Variants in ZFHX3 observed in about 807,000 individuals in gnomAD.
ZFHX3 encodes zinc finger homeobox 3.
ZFHX3 carries 42 observed loss-of-function variants against 279.1 expected under a neutral mutation model. That is an observed-to-expected ratio of 0.15 (90% CI 0.12 to 0.19). The LOEUF is 0.19. Among genes scored for constraint, ZFHX3 ranks in the 10% least tolerant of loss-of-function variants. The pLI, the probability that ZFHX3 is intolerant of heterozygous loss-of-function variation, is 1.00. For synonymous variants in ZFHX3, 2,293 were observed against 1,957.8 expected (o/e 1.17, Z -4.52); for missense variants, 4,981 against 4,754.0 (o/e 1.05, Z -1.40).
In ZFHX3 at chr16:73,771,986, C is replaced by A. The variant is rs147138371; in HGVS notation, c.-1607-91746G>T. 3.9e-3 allele frequency among the ~76,000 whole-genome samples: 592 copies of A among 151,288 alleles called. 6 individuals carry two copies. The highest frequency in any genetic ancestry group is 0.014 in the African/African-American group (578 of 41,230). On this transcript the variant is annotated intron_variant, in intron 1 of 17. Transcript: ENST00000641206. Reference sequence around the variant, plus strand: ...AGTCCACTCAAGTTTGTTCTCCCAACCTTCATATCATTTTTGTGGCCTTTC... The same window carrying A: ...AGTCCACTCAAGTTTGTTCTCCCAAACTTCATATCATTTTTGTGGCCTTTC...
chr16:73,637,419 G>T (rs2052537428), intron 2 of ZFHX3, among the ~76,000 whole-genome samples: 1 of 151,846 alleles, frequency 6.6e-6, no homozygotes, highest in African/African-American at 2.4e-5. Flanking sequence ...TTTTACTAGA[G>T]ACGGGGTTTC....
intron 1 of ZFHX3, among the ~76,000 whole-genome samples, chr16:73,868,608 T>A (rs1336434033): frequency 6.6e-6 from 1 of 152,222 alleles, no homozygotes; most frequent in Non-Finnish European, 1.5e-5. Context: ...GAAAGTTGTA[T>A]GCTGTGCATT....
At chr16:73,226,084 T>C (rs1298014882) in intron 5 of ZFHX3, among the ~76,000 whole-genome samples, 1 of 152,216 alleles carries the variant, frequency 6.6e-6, no homozygotes, top group Non-Finnish European at 1.5e-5. Context: ...ACTGGGGACA[T>C]AGGGGCACAA....
At position 72,788,537 on chromosome 16, in the gene ZFHX3, G is replaced by A. The variant is rs1266028376; in HGVS notation, c.9739C>T (p.His3247Tyr). Residue 3247 changes from histidine (H) to tyrosine (Y), a missense_variant, in exon 10 of 10, where the codon CAC becomes TAC. By Grantham distance (83) the His-to-Tyr change is moderately conservative. Around this residue, in one of 7 missense-constraint regions of ZFHX3, gnomAD observed 1,034 missense variants for 786.0 expected, o/e 1.32. Transcript: ENST00000268489. ...SEKVKEKEKA[H>Y]KGKGEPLPVP... ...GGCAGGGGTTCCCCTTTCCCTTTGTGTGCCTTTTCCTTCTCCTTTACTTTC... is the reference window on the plus strand; with the variant it reads ...GGCAGGGGTTCCCCTTTCCCTTTGTATGCCTTTTCCTTCTCCTTTACTTTC... 5.6e-6 allele frequency: 9 copies of A among 1,614,164 alleles called. No homozygotes were observed. Among genetic ancestry groups the A allele is most frequent in the Non-Finnish European group, 7.6e-6 (9 of 1,180,030 alleles).
chr16:73,844,524 A>G (rs1321816553), intron 1 of ZFHX3, among the ~76,000 whole-genome samples: 1 of 152,090 alleles, frequency 6.6e-6, no homozygotes, highest in African/African-American at 2.4e-5. Context: ...AATCCTTATA[A>G]CAGTCTTCTA....
intron 1 of ZFHX3, among the ~76,000 whole-genome samples, chr16:73,732,442 G>T (rs923757169): frequency 2.6e-5 from 4 of 152,206 alleles, no homozygotes; most frequent in African/African-American, 9.6e-5. Flanking sequence ...GTGGCCATAT[G>T]TCTGGATTTG....
chr16:73,048,638 G>C (rs545240818), upstream of ZFHX3, among the ~76,000 whole-genome samples: 3 of 152,376 alleles, frequency 2.0e-5, no homozygotes, highest in African/African-American at 7.2e-5. Context: ...CTCCGAACCG[G>C]AGCCATCGCT....
chr16:73,124,165 C>T (rs920578973), intron 7 of ZFHX3, among the ~76,000 whole-genome samples: 21 of 152,004 alleles, frequency 1.4e-4, no homozygotes, highest in African/African-American at 4.3e-4. Context: ...TTCCGGCTGC[C>T]GTAACAAAAT....
chr16:72,901,722 G>A lies in ZFHX3; in HGVS notation c.3217-11760C>T, dbSNP rs140672686. Among the ~76,000 whole-genome samples, 437 of 152,300 alleles carry A rather than the reference G, an allele frequency of 2.9e-3. 1 individual carries two copies. The highest frequency in any genetic ancestry group is 6.8e-3 in the Middle Eastern group (2 of 294). On this transcript the variant is annotated intron_variant, in intron 3 of 9. Transcript: ENST00000268489. ...GACCAACAGTGAAATGAGAAAGATG[G>A]TTCTTTGAGGAAGGACAGAAGAGTC...
intron 1 of ZFHX3, among the ~76,000 whole-genome samples, chr16:73,695,111 C>T (rs369439943): frequency 1.3e-5 from 2 of 152,238 alleles, no homozygotes; most frequent in Non-Finnish European, 2.9e-5. Flanking sequence ...TAAGCCACTC[C>T]TCCTATACCC....
At chr16:73,477,001 T>G (rs1248260714) in intron 2 of ZFHX3, among the ~76,000 whole-genome samples, 1 of 152,212 alleles carries the variant, frequency 6.6e-6, no homozygotes, top group African/African-American at 2.4e-5. Flanking sequence ...TTCTTCTGTC[T>G]CAAATGCCAA....
chr16:72,789,240 A>G (rs762229852), intron 9 of ZFHX3: 12 of 173,502 alleles, frequency 6.9e-5, no homozygotes, highest in Non-Finnish European at 1.3e-4. Flanking sequence ...TCTAATGAAG[A>G]TTCAGTCCTG....
intron 1 of ZFHX3, among the ~76,000 whole-genome samples, chr16:73,809,955 A>G (rs891581079): frequency 3.3e-5 from 5 of 152,148 alleles, no homozygotes; most frequent in Non-Finnish European, 7.3e-5. Flanking sequence ...TCAAGGGAAT[A>G]AAAGCATTTT....
intron 1 of ZFHX3, among the ~76,000 whole-genome samples, chr16:73,689,719 G>A (rs1190425986): frequency 6.6e-6 from 1 of 152,162 alleles, no homozygotes; most frequent in East Asian, 1.9e-4. Flanking sequence ...AAGTTTCCTG[G>A]GGTTATTAAT....
chr16:73,859,393 C>T (rs966779440), intron 1 of ZFHX3, among the ~76,000 whole-genome samples: 2 of 152,154 alleles, frequency 1.3e-5, no homozygotes, highest in Non-Finnish European at 2.9e-5. Context: ...AAAGAAGTGG[C>T]CCTCCCTTGA....
At chr16:73,406,178 A>G (rs2017356878) in intron 3 of ZFHX3, among the ~76,000 whole-genome samples, 1 of 152,254 alleles carries the variant, frequency 6.6e-6, no homozygotes, top group Admixed American at 6.5e-5. Flanking sequence ...TCCGTTTCAC[A>G]GTCACCCCCA....
intron 2 of ZFHX3, among the ~76,000 whole-genome samples, chr16:73,469,620 T>C (rs1021898773): frequency 7.4e-5 from 11 of 148,006 alleles, no homozygotes; most frequent in African/African-American, 2.2e-4. Flanking sequence ...CTCCAATATA[T>C]ATATATATTT....
chr16:72,793,448 T>C lies in ZFHX3; in HGVS notation c.9234A>G (p.Gln3078=). 6.2e-7 allele frequency: 1 copy of C among 1,614,232 alleles called. No individual in the cohort carries two copies. Among genetic ancestry groups the C allele is most frequent in the Non-Finnish European group, 8.5e-7 (1 of 1,180,050 alleles). The change falls in exon 9 of 10, where the codon CAA becomes CAG. Residue 3078 remains glutamine, a synonymous_variant. Coordinates refer to ENST00000268489, the MANE Select transcript of ZFHX3 (RefSeq NM_006885.4). This position sits in a 1 kb window ranked among gnomAD's most constrained non-coding sequence, Gnocchi z 4.3. ...DPATVRQLMA[Q]QELDRIKKAN... ...CCTTTTTAATCCGGTCCAACTCTTG[T>C]TGAGCCATCAACTGACGTACGGTGG...
chr16:73,249,484 G>A (rs545511277), intron 5 of ZFHX3, among the ~76,000 whole-genome samples: 10 of 152,274 alleles, frequency 6.6e-5, no homozygotes, highest in Non-Finnish European at 1.2e-4. Context: ...GAGAATGAGA[G>A]CCAAGTGAAA....
Sources: gnomAD v4.1 joint callset for allele counts (sites outside exome capture counted in the v4.1 genomes callset) on GRCh38, gnomAD v4.1.1 for gene constraint, gnomAD v4.1.1 regional missense constraint, Gnocchi (gnomAD v3.1) non-coding constraint, MANE v1.5 for transcripts, NCBI Gene and HGNC (gene_info 2026-07-23, HGNC 2026-07-21) for gene names.